Variants in TNNI3K observed in about 807,000 individuals in gnomAD.
The protein encoded by TNNI3K is TNNI3 interacting kinase.
In TNNI3K, 140 loss-of-function variants were observed where a neutral mutation model predicts 114.5. That is an observed-to-expected ratio of 1.22 (90% CI 1.07 to 1.41). The LOEUF (loss-of-function observed/expected upper bound fraction) is 1.41, where lower values mean the gene tolerates loss of function less well. Ranked by LOEUF, TNNI3K falls within the 40% of genes most tolerant of loss-of-function variation. The pLI, the probability that TNNI3K is intolerant of heterozygous loss-of-function variation, is 0.00. For missense variants in TNNI3K, 1,125 were observed against 1,007.6 expected (o/e 1.12, Z -1.58); for synonymous variants, 347 against 347.5 (o/e 1.00, Z 0.02).
At chr1:74,444,714 A>G (rs1471998865) in intron 20 of TNNI3K, among the ~76,000 whole-genome samples, 1 of 152,122 alleles carries the variant, frequency 6.6e-6, no homozygotes, top group Non-Finnish European at 1.5e-5. Flanking sequence ...AAGAGCCCAT[A>G]TAGCCAAGAC....
At chr1:74,248,585 T>A (rs762096029) in intron 2 of TNNI3K, among the ~76,000 whole-genome samples, 1 of 152,226 alleles carries the variant, frequency 6.6e-6, no homozygotes, top group African/African-American at 2.4e-5. Context: ...TATACAACTT[T>A]CTTTTTGAAG....
chr1:74,452,355 C>T (rs1478733856), intron 20 of TNNI3K, among the ~76,000 whole-genome samples: 1 of 152,142 alleles, frequency 6.6e-6, no homozygotes, highest in Admixed American at 6.6e-5. Context: ...GGTCAAGGCT[C>T]CTTTTGATTC....
At chr1:74,324,656 G>A (rs1659804242) in intron 5 of TNNI3K, among the ~76,000 whole-genome samples, 1 of 152,170 alleles carries the variant, frequency 6.6e-6, no homozygotes, top group African/African-American at 2.4e-5. Context: ...TGGGGCCAGG[G>A]ACAGTTCAGG....
intron 17 of TNNI3K, among the ~76,000 whole-genome samples, chr1:74,389,897 T>G (rs1034079839): frequency 5.9e-5 from 9 of 151,994 alleles, no homozygotes; most frequent in Non-Finnish European, 1.3e-4. Flanking sequence ...TAGGAGCCAT[T>G]AGGAAAAGGA....
chr1:74,519,839 T>G (rs1490967699), intron 23 of TNNI3K, among the ~76,000 whole-genome samples: 1 of 152,134 alleles, frequency 6.6e-6, no homozygotes, highest in African/African-American at 2.4e-5. Context: ...GAAGATTGAA[T>G]AGTCCACAGG....
Position 74,344,076 on chromosome 1 carries a change from G to T in TNNI3K, c.932+897G>T, listed in dbSNP as rs1438991444. On this transcript the variant is annotated intron_variant, in intron 9 of 24. Transcript: ENST00000326637. ...TCACATAATGTTTTTGTATTGCATT[G>T]ATGAATAATAAAAATGAGGAGATTC... 2.0e-5 allele frequency among the ~76,000 whole-genome samples: 3 copies of T among 152,060 alleles called. No homozygotes were observed. In the East Asian group the frequency reaches 5.8e-4, roughly 29 times the overall value.
chr1:74,345,451 G>T (rs1660954857), intron 9 of TNNI3K, among the ~76,000 whole-genome samples: 1 of 152,126 alleles, frequency 6.6e-6, no homozygotes, highest in African/African-American at 2.4e-5. Context: ...GGTCAGCAAT[G>T]AATTCTGCCT....
At chr1:74,500,869 C>T (rs1238358394) in intron 23 of TNNI3K, among the ~76,000 whole-genome samples, 1 of 151,804 alleles carries the variant, frequency 6.6e-6, no homozygotes, top group African/African-American at 2.4e-5. Flanking sequence ...TGTTTTTAAT[C>T]TGCCTTTTAA....
chr1:74,524,329 C>T (rs1646474619), intron 23 of TNNI3K, among the ~76,000 whole-genome samples: 1 of 152,200 alleles, frequency 6.6e-6, no homozygotes. Flanking sequence ...CTGCCAGAAA[C>T]AGAGGGGGCT....
chr1:74,446,722 G>A (rs970558877), intron 20 of TNNI3K, among the ~76,000 whole-genome samples: 2 of 143,596 alleles, frequency 1.4e-5, no homozygotes, highest in Admixed American at 7.0e-5. Flanking sequence ...TTTGTATAAG[G>A]TGTAAGGAAG....
intron 23 of TNNI3K, among the ~76,000 whole-genome samples, chr1:74,524,651 T>C (rs979484838): frequency 7.4e-6 from 1 of 135,176 alleles, no homozygotes; most frequent in African/African-American, 2.5e-5. Flanking sequence ...CTTTTACTTT[T>C]AGGTTCTGGA....
At chr1:74,399,020 G>T (rs1336535265) in intron 17 of TNNI3K, among the ~76,000 whole-genome samples, 1 of 151,820 alleles carries the variant, frequency 6.6e-6, no homozygotes, top group Non-Finnish European at 1.5e-5. Context: ...GCCAGGCATG[G>T]TGGCGGGCGC....
At chr1:74,378,060 A>G (rs1253364862) in intron 17 of TNNI3K, among the ~76,000 whole-genome samples, 1 of 152,078 alleles carries the variant, frequency 6.6e-6, no homozygotes, top group Non-Finnish European at 1.5e-5. Context: ...TCTCCTCAGC[A>G]TGAGAAATAA....
intron 5 of TNNI3K, among the ~76,000 whole-genome samples, chr1:74,276,586 A>G (rs950030634): frequency 1.3e-5 from 2 of 152,018 alleles, no homozygotes; most frequent in Non-Finnish European, 1.5e-5. Flanking sequence ...TTCCACTCCT[A>G]TTTTTTATTA....
intron 2 of TNNI3K, among the ~76,000 whole-genome samples, 200 bp from the exon 3 acceptor site, chr1:74,249,259 A>G (rs936077609): frequency 6.6e-6 from 1 of 151,976 alleles, no homozygotes; most frequent in Non-Finnish European, 1.5e-5. Context: ...TGACATCATT[A>G]CAATGTAAAA....
At chr1:74,514,188 C>T (rs1425417138) in intron 23 of TNNI3K, among the ~76,000 whole-genome samples, 2 of 152,140 alleles carry the variant, frequency 1.3e-5, no homozygotes, top group Non-Finnish European at 2.9e-5. Flanking sequence ...CATTTATGTC[C>T]TTGTTTATTT....
intron 21 of TNNI3K, among the ~76,000 whole-genome samples, chr1:74,476,190 C>G (rs1196328638): frequency 3.3e-5 from 5 of 152,150 alleles, no homozygotes; most frequent in Non-Finnish European, 7.3e-5. Flanking sequence ...TAATCTCAGA[C>G]TGCCTGGTAC....
At chr1:74,323,566 G>A (rs1299677132) in intron 5 of TNNI3K, among the ~76,000 whole-genome samples, 4 of 152,092 alleles carry the variant, frequency 2.6e-5, no homozygotes, top group Non-Finnish European at 5.9e-5. Context: ...GGGAAATAGG[G>A]AAAAGATACA....
At chr1:74,383,003 T>C (rs1663279038) in intron 17 of TNNI3K, among the ~76,000 whole-genome samples, 1 of 152,086 alleles carries the variant, frequency 6.6e-6, no homozygotes, top group African/African-American at 2.4e-5. Flanking sequence ...CTGGCAGACC[T>C]CCTGAATTGC....
Sources: gnomAD v4.1 joint callset for allele counts (sites outside exome capture counted in the v4.1 genomes callset) on GRCh38, gnomAD v4.1.1 for gene constraint, MANE v1.5 for transcripts, NCBI Gene and HGNC (gene_info 2026-07-23, HGNC 2026-07-21) for gene names.